KANSL1: variants seen among roughly 807,000 people sequenced by gnomAD.
KANSL1 encodes KAT8 regulatory NSL complex subunit 1.
Under a neutral mutation model 103.6 loss-of-function variants are expected in KANSL1, and 22 were observed. That is an observed-to-expected ratio of 0.21 (90% CI 0.15 to 0.30). KANSL1 has a LOEUF of 0.30. Among genes scored for constraint, KANSL1 ranks in the 10% least tolerant of loss-of-function variants. The pLI, the probability that KANSL1 is intolerant of heterozygous loss-of-function variation, is 1.00. For synonymous variants in KANSL1, 600 were observed against 527.6 expected (o/e 1.14, Z -1.88); for missense variants, 1,337 against 1,399.8 (o/e 0.96, Z 0.72).
intron 7 of KANSL1, among the ~76,000 whole-genome samples, chr17:46,046,309 A>AG (rs1365545905): frequency 6.6e-6 from 1 of 151,500 alleles, no homozygotes; most frequent in Admixed American, 6.6e-5. Flanking sequence ...CAAGATGGGT[A>AG]GATCGCTTGG....
At chr17:46,194,169 G>T (rs758333308), upstream of KANSL1, among the ~76,000 whole-genome samples, 2 of 152,256 alleles carry the variant, frequency 1.3e-5, no homozygotes, top group Non-Finnish European at 2.9e-5. Context: ...CGCCGGCGCC[G>T]GGCCCGCTGG....
At chr17:46,140,439 A>G (rs993835827) in intron 2 of KANSL1, among the ~76,000 whole-genome samples, 1 of 152,222 alleles carries the variant, frequency 6.6e-6, no homozygotes, top group Non-Finnish European at 1.5e-5. Context: ...GTAAGCATTG[A>G]AACTCCTGGA....
chr17:46,176,891 A>T (rs1368391156), intron 1 of KANSL1, among the ~76,000 whole-genome samples: 1 of 152,152 alleles, frequency 6.6e-6, no homozygotes, highest in African/African-American at 2.4e-5. Context: ...GAGGAGAGAG[A>T]GTGCAGAGAA....
At chr17:46,132,096 C>G (rs1048744855) in intron 2 of KANSL1, among the ~76,000 whole-genome samples, 1 of 151,950 alleles carries the variant, frequency 6.6e-6, no homozygotes, top group Non-Finnish European at 1.5e-5. Context: ...CATTGCACTC[C>G]TGCCTGGGCC....
intron 2 of KANSL1, among the ~76,000 whole-genome samples, chr17:46,143,848 T>C (rs1419210537): frequency 6.8e-6 from 1 of 148,128 alleles, no homozygotes; most frequent in Non-Finnish European, 1.5e-5. Context: ...ATCTTCCCAG[T>C]AGAAGAGATG....
intron 2 of KANSL1, among the ~76,000 whole-genome samples, chr17:46,115,696 T>C (rs2043016898): frequency 1.3e-5 from 2 of 152,258 alleles, no homozygotes; most frequent in South Asian, 2.1e-4. Context: ...TCAAAAAGTA[T>C]GCTTAAACAA....
intron 2 of KANSL1, among the ~76,000 whole-genome samples, chr17:46,147,406 T>G (rs1284187187): frequency 6.6e-6 from 1 of 151,998 alleles, no homozygotes; most frequent in Non-Finnish European, 1.5e-5. Context: ...AGATCCTGTC[T>G]CTACAAAAAA....
chr17:46,038,495 A>G (rs771670199), intron 10 of KANSL1, 43 bp downstream of exon 10: 2 of 1,604,564 alleles, frequency 1.2e-6, no homozygotes, highest in South Asian at 2.2e-5. Flanking sequence ...GTGAGCTGTG[A>G]CCTGCAGAGG....
intron 1 of KANSL1, among the ~76,000 whole-genome samples, chr17:46,181,493 G>GC (rs1429426390): frequency 6.6e-6 from 1 of 151,828 alleles, no homozygotes; most frequent in Non-Finnish European, 1.5e-5. Flanking sequence ...GCGATGGCGC[G>GC]ATCTCCGCTC....
chr17:46,038,496 C>G lies in KANSL1; in HGVS notation c.2541+42G>C, dbSNP rs973438540. 9 of 1,604,808 alleles carry G rather than the reference C, an allele frequency of 5.6e-6. No individual in the cohort carries two copies. The African/African-American group carries it at 1.1e-4, about 19-fold the overall frequency. On this transcript the variant is annotated intron_variant, in intron 10 of 14. Transcript: ENST00000432791. ...CTGGAGCCACTTGAGTGAGCTGTGA[C>G]CTGCAGAGGGGGTGTCCGGCCAACC...
intron 3 of KANSL1, chr17:46,088,359 C>T (rs2079244819): frequency 6.6e-6 from 1 of 152,262 alleles, no homozygotes; most frequent in African/African-American, 2.4e-5. Context: ...ACAAGAATCA[C>T]CCTGGGCTAC....
At chr17:46,035,102 T>A (rs2077109676) in intron 10 of KANSL1, 1 of 152,224 alleles carries the variant, frequency 6.6e-6, no homozygotes, top group Admixed American at 6.5e-5. Flanking sequence ...TGGCTTAGTC[T>A]CTTGGATGGA....
intron 1 of KANSL1, among the ~76,000 whole-genome samples, chr17:46,182,229 G>T (rs923793980): frequency 2.0e-5 from 3 of 152,132 alleles, no homozygotes; most frequent in African/African-American, 4.8e-5. Context: ...AAGAGAAAAA[G>T]GAGGAAACAC....
At chr17:46,125,460 A>G (rs1183879036) in intron 2 of KANSL1, among the ~76,000 whole-genome samples, 2 of 152,110 alleles carry the variant, frequency 1.3e-5, no homozygotes, top group Non-Finnish European at 2.9e-5. Context: ...TGAACCTGTG[A>G]TATCTCTGAG....
chr17:46,205,421 C>A (rs1437316383), intron 1 of KANSL1, among the ~76,000 whole-genome samples: 1 of 152,100 alleles, frequency 6.6e-6, no homozygotes, highest in African/African-American at 2.4e-5. Flanking sequence ...ATGGCTCACA[C>A]CTGTAATCCC....
At chr17:46,139,896 T>C (rs545162336) in intron 2 of KANSL1, among the ~76,000 whole-genome samples, 1 of 152,136 alleles carries the variant, frequency 6.6e-6, no homozygotes, top group African/African-American at 2.4e-5. Context: ...AAGGCAAAAA[T>C]TTTTAAAAAT....
intron 6 of KANSL1, among the ~76,000 whole-genome samples, chr17:46,056,452 TA>T (rs67822287): frequency 0.14 from 21,811 of 152,308 alleles, 2,130 homozygotes; most frequent in Non-Finnish European, 0.22. Context: ...TGTGTGGCCT[TA>T]AGACAAGTTA....
chr17:46,133,118 A>C (rs1302333652), intron 2 of KANSL1, among the ~76,000 whole-genome samples: 5 of 152,144 alleles, frequency 3.3e-5, no homozygotes, highest in Non-Finnish European at 5.9e-5. Context: ...CAATTAACAG[A>C]AGAAAAACTG....
At position 46,172,105 on chromosome 17, in the gene KANSL1, A is replaced by G; in HGVS notation, c.39T>C (p.Ala13=). ...AMAPALTDAA[A]EAHHIRFKLA... is the part of the protein sequence containing the mutation. ...GTTTGAACCGGATATGGTGTGCTTC[A>G]GCTGCTGCGTCAGTGAGAGCGGGCG... Residue 13 remains alanine (A), a synonymous_variant, in exon 2 of 15, where the codon GCT becomes GCC. Transcript: ENST00000432791. The G allele has an allele frequency of 6.2e-7, 1 of 1,611,026 alleles. No homozygotes were observed. Among genetic ancestry groups the G allele is most frequent in the Non-Finnish European group, 8.5e-7 (1 of 1,180,040 alleles).
Sources: gnomAD v4.1 joint callset for allele counts (sites outside exome capture counted in the v4.1 genomes callset) on GRCh38, gnomAD v4.1.1 for gene constraint, MANE v1.5 for transcripts, NCBI Gene and HGNC (gene_info 2026-07-23, HGNC 2026-07-21) for gene names.